PACRG: variants seen among roughly 807,000 people sequenced by gnomAD.
PACRG encodes the protein parkin coregulated gene protein.
A neutral mutation model predicts 29.7 loss-of-function variants in PACRG; 29 were observed. The ratio of observed to expected loss-of-function variants is 0.98; its 90% confidence interval spans 0.73 to 1.33. The LOEUF (loss-of-function observed/expected upper bound fraction) is 1.33, where lower values mean the gene tolerates loss of function less well. Among genes scored for constraint, PACRG ranks in the 40% most tolerant of loss-of-function variants. The probability of loss-of-function intolerance (pLI) is 0.00; values close to 1 mark genes in which losing one functional copy is unlikely to be tolerated. For missense variants in PACRG, 279 were observed against 316.2 expected (o/e 0.88, Z 0.89); for synonymous variants, 116 against 118.7 (o/e 0.98, Z 0.15).
intron 4 of PACRG, among the ~76,000 whole-genome samples, chr6:163,137,784 A>G (rs1484623986): frequency 1.3e-5 from 2 of 152,202 alleles, no homozygotes; most frequent in African/African-American, 4.8e-5. Flanking sequence ...GCTCCGGGAT[A>G]CTCCGTCGGG....
At chr6:163,177,837 C>G in intron 4 of PACRG, among the ~76,000 whole-genome samples, 1 of 148,180 alleles carries the variant, frequency 6.7e-6, no homozygotes, top group African/African-American at 2.5e-5. Context: ...AAACAGCACA[C>G]ATGCTTCCAA....
At chr6:162,999,922 A>G (rs1046074840) in intron 2 of PACRG, among the ~76,000 whole-genome samples, 3 of 152,230 alleles carry the variant, frequency 2.0e-5, no homozygotes, top group African/African-American at 7.2e-5. Context: ...ATTAATTATG[A>G]AACATAATTA....
At chr6:163,165,277 G>A (rs1021233902) in intron 4 of PACRG, 1 of 152,472 alleles carries the variant, frequency 6.6e-6, no homozygotes, top group Non-Finnish European at 1.5e-5. Context: ...AAACAGGGAG[G>A]CCGCGCTGCC....
intron 1 of PACRG, among the ~76,000 whole-genome samples, chr6:162,799,657 T>C (rs537008348): frequency 3.4e-4 from 52 of 152,068 alleles, no homozygotes; most frequent in African/African-American, 1.1e-3. Flanking sequence ...ACTATAAATA[T>C]CTTTTATTGT....
intron 4 of PACRG, among the ~76,000 whole-genome samples, chr6:163,188,105 T>A (rs957870549): frequency 3.3e-5 from 5 of 152,216 alleles, no homozygotes; most frequent in Admixed American, 1.3e-4. Flanking sequence ...ATGAGTATCT[T>A]TTCCTACAGG....
At chr6:163,168,043 T>A (rs2128345159) in intron 4 of PACRG, among the ~76,000 whole-genome samples, 1 of 152,344 alleles carries the variant, frequency 6.6e-6, no homozygotes, top group East Asian at 1.9e-4. Context: ...TTCATATTAT[T>A]TTGTACACTG....
At chr6:162,884,607 C>T (rs1237358920) in intron 2 of PACRG, among the ~76,000 whole-genome samples, 1 of 152,086 alleles carries the variant, frequency 6.6e-6, no homozygotes. Context: ...CAACTTATGA[C>T]TACTTCATGA....
chr6:163,039,693 AC>A (rs1645792786), intron 2 of PACRG, among the ~76,000 whole-genome samples: 1 of 152,218 alleles, frequency 6.6e-6, no homozygotes, highest in South Asian at 2.1e-4. Context: ...GATCTGTGGA[AC>A]TTTGAACTTG....
rs1181071169 is a variant in PACRG, at chr6:162,777,838, A to T, written c.157-36309A>T. On this transcript the variant is annotated intron_variant, in intron 1 of 4. Coordinates refer to ENST00000366888, the MANE Select transcript of PACRG (RefSeq NM_001080379.2). The surrounding 1 kb of genome is among the most constrained non-coding windows in gnomAD (Gnocchi z 4.0). The stretch of plus-strand genomic sequence containing the variant: ...GCACTTGCTTTGAACTAATAAAAGA[A>T]AAAACCTCCCTACCTTCTTTCTTTC... Among the ~76,000 whole-genome samples the T allele has an allele frequency of 6.6e-6, 1 of 152,094 alleles. No homozygotes were observed. The highest frequency in any genetic ancestry group is 1.5e-5 in the Non-Finnish European group (1 of 68,014).
At chr6:163,086,059 G>T (rs372692321) in intron 3 of PACRG, among the ~76,000 whole-genome samples, 1 of 152,200 alleles carries the variant, frequency 6.6e-6, no homozygotes. Flanking sequence ...TGTGAATCAC[G>T]CACATATCTG....
Position 163,055,708 on chromosome 6 carries a change from AC to A in PACRG, c.292-6440del, listed in dbSNP as rs1035311561. 6.6e-6 allele frequency among the ~76,000 whole-genome samples: 1 copy of A among 152,124 alleles called. No homozygotes were observed. The highest frequency in any genetic ancestry group is 2.4e-5 in the African/African-American group (1 of 41,408). ...TCATTGTAAAATACACATAAAACTT[AC>A]CATTTTTACCATTTTTAAGTGTACA... is the stretch of plus-strand genomic sequence containing the variant. On this transcript the variant is annotated intron_variant, in intron 2 of 4. Transcript: ENST00000366888. The surrounding 1 kb of genome is among the most constrained non-coding windows in gnomAD (Gnocchi z 4.0).
At chr6:162,752,121 C>T (rs1781555877) in intron 1 of PACRG, among the ~76,000 whole-genome samples, 1 of 152,090 alleles carries the variant, frequency 6.6e-6, no homozygotes, top group Admixed American at 6.6e-5. Context: ...AAACAAGTTC[C>T]AAAAATTCAG....
chr6:162,923,017 T>C (rs1797174296), intron 2 of PACRG, among the ~76,000 whole-genome samples: 1 of 152,086 alleles, frequency 6.6e-6, no homozygotes, highest in South Asian at 2.1e-4. Flanking sequence ...AATTTGCATT[T>C]CCCACATCCT....
intron 4 of PACRG, among the ~76,000 whole-genome samples, chr6:163,302,264 T>G (rs1482979102): frequency 1.3e-5 from 2 of 151,992 alleles, no homozygotes; most frequent in African/African-American, 4.8e-5. Context: ...TTTTGTTTTT[T>G]TTTTTGTAAG....
intron 1 of PACRG, among the ~76,000 whole-genome samples, chr6:162,784,429 T>A (rs1398307537): frequency 6.6e-6 from 1 of 152,186 alleles, no homozygotes; most frequent in Non-Finnish European, 1.5e-5. Flanking sequence ...GATGGAAAGA[T>A]GACATTCAAG....
chr6:162,885,276 T>A (rs868579900), intron 2 of PACRG, among the ~76,000 whole-genome samples: 25 of 151,138 alleles, frequency 1.7e-4, no homozygotes, highest in African/African-American at 5.4e-4. Flanking sequence ...CTTTTTTTTT[T>A]AATTATTTTT....
At chr6:163,025,387 G>C (rs1055575178) in intron 2 of PACRG, among the ~76,000 whole-genome samples, 1 of 152,176 alleles carries the variant, frequency 6.6e-6, no homozygotes, top group African/African-American at 2.4e-5. Context: ...CTTTAGTAAA[G>C]TTTCAGGATG....
At chr6:162,765,424 A>G (rs1446630728) in intron 1 of PACRG, among the ~76,000 whole-genome samples, 1 of 151,990 alleles carries the variant, frequency 6.6e-6, no homozygotes, top group Non-Finnish European at 1.5e-5. Flanking sequence ...AGGTCCATAA[A>G]ACTGTGGGAG....
In PACRG at chr6:162,894,335, C is replaced by A. The variant is rs185957956; in HGVS notation, c.291+80054C>A. Among the ~76,000 whole-genome samples the A allele has an allele frequency of 7.9e-4, 120 of 152,258 alleles. 1 individual carries two copies. Among genetic ancestry groups the A allele is most frequent in the Admixed American group, 6.7e-3 (103 of 15,298 alleles). Reference sequence around the variant, plus strand: ...GCTGATAAATATAAAACATGTCTTGCTCTCTAAAAAATTATAGTTTGGTTG... The same window carrying A: ...GCTGATAAATATAAAACATGTCTTGATCTCTAAAAAATTATAGTTTGGTTG... On this transcript the variant is annotated intron_variant, in intron 2 of 4. Transcript: ENST00000366888.
Sources: gnomAD v4.1 joint callset for allele counts (sites outside exome capture counted in the v4.1 genomes callset) on GRCh38, gnomAD v4.1.1 for gene constraint, Gnocchi (gnomAD v3.1) non-coding constraint, MANE v1.5 for transcripts, NCBI Gene and HGNC (gene_info 2026-07-23, HGNC 2026-07-21) for gene names.